The following CAPN15 variants were observed in gnomAD, a reference collection of about 807,000 sequenced individuals.
CAPN15 encodes calpain-15.
Under a neutral mutation model 97.9 loss-of-function variants are expected in CAPN15, and 53 were observed. The ratio of observed to expected loss-of-function variants is 0.54; its 90% CI spans 0.43 to 0.68. The LOEUF (loss-of-function observed/expected upper bound fraction) is 0.68. Among genes scored for constraint, CAPN15 ranks in the 30% least tolerant of loss-of-function variants. The pLI is 0.00. For synonymous variants in CAPN15, 922 were observed against 722.5 expected, an observed-to-expected ratio of 1.28 and a Z score of -4.43; for missense variants, 1,592 against 1,589.8, an observed-to-expected ratio of 1.00 and a Z score of -0.02.
chr16:529,951 T>C (rs548368386), intron 1 of CAPN15, among the ~76,000 whole-genome samples: 8 of 152,220 alleles, frequency 5.3e-5, no homozygotes, highest in African/African-American at 1.7e-4. Context: ...CTCTCCTGTT[T>C]TCCTGCTCTG....
chr16:549,696 G>T lies in CAPN15; in HGVS notation c.1924G>T (p.Gly642Cys). 1 of 1,563,668 alleles carries T rather than the reference G, an allele frequency of 6.4e-7. No homozygotes were observed. Among genetic ancestry groups the T allele is most frequent in the East Asian group, 2.4e-5 (1 of 41,698 alleles). Reference protein sequence around the residue: ...LHGSYFALQAGRAIEGLATLT... With the variant: ...LHGSYFALQACRAIEGLATLT... ...CGGCTCCTACTTTGCGCTCCAGGCG[G>T]GCCGCGCCATCGAAGGCCTGGCCAC... The change falls in exon 7 of 14, where the codon GGC becomes TGC. Residue 642 changes from glycine (G) to cysteine (C), a missense_variant. Physicochemically the swap from Gly to Cys is radical, Grantham distance 159 (BLOSUM62 -3). Around this residue, in one of 3 missense-constraint regions of CAPN15, gnomAD observed 644 missense variants for 699.6 expected, o/e 0.92. Transcript: ENST00000219611.
chr16:545,452 C>T (rs1452927211), intron 3 of CAPN15, among the ~76,000 whole-genome samples: 1 of 152,174 alleles, frequency 6.6e-6, no homozygotes, highest in Admixed American at 6.5e-5. Flanking sequence ...CACAGAAGGG[C>T]CGTGGCCTGC....
At chr16:534,912 A>G (rs1786231008) in intron 2 of CAPN15, among the ~76,000 whole-genome samples, 1 of 151,896 alleles carries the variant, frequency 6.6e-6, no homozygotes, top group Non-Finnish European at 1.5e-5. Context: ...TGTAGGGCCC[A>G]GGAGCAGGTG....
At chr16:551,121 GCCCC>G (rs2035029984) in intron 7 of CAPN15, among the ~76,000 whole-genome samples, 177 bp from the exon 8 acceptor site, 2 of 51,152 alleles carry the variant, frequency 3.9e-5, no homozygotes, top group Non-Finnish European at 7.5e-5. Flanking sequence ...GTCGGTGAGG[GCCCC>G]TGTTGGTGAG....
Position 537,408 on chromosome 16 carries a change from G to A in CAPN15, c.-23+1266G>A, listed in dbSNP as rs538196740. On this transcript the variant is annotated intron_variant, in intron 3 of 13. Transcript: ENST00000219611. ...CCTGGTAGGAGCCTGTGTTTCTAGC[G>A]GCACGCGTGACCCCAGGTGCCACGT... The A allele has an allele frequency of 4.2e-5, 41 of 985,694 alleles. No individual in the cohort carries two copies. In the East Asian group the frequency reaches 7.9e-4, roughly 19 times the overall value. 61.1% of individuals were successfully genotyped at this position (985,694 alleles called of 1,614,324 possible). A position where few individuals can be genotyped will look rare whatever the true frequency, so the allele number is the denominator to read the frequency against.
rs2035308706 is a variant in CAPN15 at position 554,439 on chromosome 16, C to T, written c.*923C>T. ...GCAGGGGCTTCCGGGGCCTTTTCACCTGGAGAAACATTCCCACTCCCCTTT... is the reference window on the plus strand; with the variant it reads ...GCAGGGGCTTCCGGGGCCTTTTCACTTGGAGAAACATTCCCACTCCCCTTT... On this transcript the variant is annotated 3_prime_UTR_variant, in exon 14 of 14. Coordinates refer to ENST00000219611, the MANE Select transcript of CAPN15 (RefSeq NM_005632.3). The T allele has an allele frequency of 8.9e-6, 4 of 447,534 alleles. No homozygotes were observed. Among genetic ancestry groups the T allele is most frequent in the Admixed American group, 7.1e-5 (3 of 42,078 alleles). The allele number at this position is 447,534 out of a possible 1,614,324, so 27.7% of individuals were successfully genotyped here. A position where few individuals can be genotyped will look rare whatever the true frequency, so the allele number is the denominator to read the frequency against.
chr16:548,131 C>G lies in CAPN15; in HGVS notation c.1293C>G (p.His431Gln), dbSNP rs2034730369. Residue 431 changes from histidine (H) to glutamine (Q), a missense_variant, in exon 4 of 14, where the codon CAC becomes CAG. By Grantham distance (24) the His-to-Gln change is conservative. Transcript: ENST00000219611. ...CTLLNALRAKHCAACHTPQLL... is the reference protein window; with the variant it reads ...CTLLNALRAKQCAACHTPQLL... Reference sequence around the variant, plus strand: ...TGCTCAACGCACTGCGGGCCAAGCACTGCGCCGCCTGCCACACGCCTCAGC... The same window carrying G: ...TGCTCAACGCACTGCGGGCCAAGCAGTGCGCCGCCTGCCACACGCCTCAGC... The G allele has an allele frequency of 6.5e-7, 1 of 1,528,774 alleles. No homozygotes were observed. The highest frequency in any genetic ancestry group is 1.4e-5 in the African/African-American group (1 of 71,512). 94.7% of individuals were successfully genotyped at this position (1,528,774 alleles called of 1,614,324 possible).
Position 548,295 on chromosome 16 carries a change from GC to G in CAPN15, c.1449+13del. The G allele has an allele frequency of 1.4e-6, 2 of 1,462,982 alleles. No homozygotes were observed. The highest frequency in any genetic ancestry group is 9.0e-7 in the Non-Finnish European group (1 of 1,107,498). 90.6% of individuals were successfully genotyped at this position (1,462,982 alleles called of 1,614,324 possible). A position where few individuals can be genotyped will look rare whatever the true frequency, so the allele number is the denominator to read the frequency against. The stretch of plus-strand genomic sequence containing the variant: ...GTGGCCTTCTGCCGGGAGGTGAGGC[GC>G]CCCCTCGCCCTCTTCCTGCTCCTGA... On this transcript the variant is annotated intron_variant, in intron 4 of 13. Transcript: ENST00000219611.
intron 1 of CAPN15, among the ~76,000 whole-genome samples, chr16:530,948 C>A (rs1027700756): frequency 6.6e-6 from 1 of 152,270 alleles, no homozygotes; most frequent in African/African-American, 2.4e-5. Flanking sequence ...GCCTCGCCAT[C>A]CTGGCCTCCA....
rs576771936 is a variant in CAPN15 at position 532,449 on chromosome 16, G to A, written c.-189-1497G>A. Among the ~76,000 whole-genome samples, 17 of 151,426 alleles carry A rather than the reference G, an allele frequency of 1.1e-4. No homozygotes were observed. The South Asian group carries it at 3.3e-3, about 30-fold the overall frequency. On this transcript the variant is annotated intron_variant, in intron 1 of 13. Coordinates refer to ENST00000219611, the MANE Select transcript of CAPN15 (RefSeq NM_005632.3). ...GTGTGCCTGTAATCCCAGATGTTTG[G>A]GAGGCTGAGACACTAGAATTGCTTG...
chr16:549,239 CGGG>C, intron 5 of CAPN15, 38 bp downstream of exon 5: 9 of 1,186,710 alleles, frequency 7.6e-6, no homozygotes, highest in Admixed American at 5.2e-5. Flanking sequence ...GGCGGGTGGG[CGGG>C]CGACCGGCCG....
chr16:537,432 G>A (rs779926863), intron 3 of CAPN15: 12 of 985,602 alleles, frequency 1.2e-5, no homozygotes, highest in East Asian at 1.1e-4. Flanking sequence ...CAGGTGCCAC[G>A]TGGGTGAGTG....
Position 547,312 on chromosome 16 carries a change from C to T in CAPN15, c.474C>T (p.Pro158=), listed in dbSNP as rs117824785. Residue 158 remains proline, a synonymous_variant, in exon 4 of 14, where the codon CCC becomes CCT. Coordinates refer to ENST00000219611, the MANE Select transcript of CAPN15 (RefSeq NM_005632.3). ...ACPRCTLHNT[P]VASSCSVCGG... ...CGCGTTGCACGCTGCACAACACGCC[C>T]GTGGCCAGCTCCTGCTCCGTCTGCG... The T allele has an allele frequency of 1.6e-4, 240 of 1,526,976 alleles. No individual in the cohort carries two copies. The highest frequency in any genetic ancestry group is 1.8e-4 in the Non-Finnish European group (211 of 1,142,096). The allele number at this position is 1,526,976 out of a possible 1,614,324, so 94.6% of individuals were successfully genotyped here.
Position 547,454 on chromosome 16 carries a change from G to T in CAPN15, c.616G>T (p.Gly206Trp). 6.3e-7 allele frequency: 1 copy of T among 1,591,446 alleles called. No individual in the cohort carries two copies. The highest frequency in any genetic ancestry group is 8.5e-7 in the Non-Finnish European group (1 of 1,176,118). Residue 206 changes from glycine (G) to tryptophan (W), a missense_variant, in exon 4 of 14, where the codon GGG (glycine) becomes TGG (tryptophan). Coordinates refer to ENST00000219611, the MANE Select transcript of CAPN15 (RefSeq NM_005632.3). ...VPAAPPPGLP[G>W]EGAEANPPAT... Reference sequence around the variant, plus strand: ...TGCCGCGCCTCCACCTGGCCTCCCCGGGGAAGGTGCCGAGGCCAACCCCCC... The same window carrying T: ...TGCCGCGCCTCCACCTGGCCTCCCCTGGGAAGGTGCCGAGGCCAACCCCCC...
intron 7 of CAPN15, 86 bp downstream of exon 7, chr16:549,924 A>G (rs2034870984): frequency 6.9e-6 from 8 of 1,158,538 alleles, no homozygotes; most frequent in Non-Finnish European, 9.9e-6. Flanking sequence ...GTGGCCCCTG[A>G]CCCAGTTCTG....
chr16:537,601 A>AGCCCTGCCCC (rs1333268921), intron 3 of CAPN15: 1 of 247,486 alleles, frequency 4.0e-6, no homozygotes, highest in Non-Finnish European at 6.4e-6. Context: ...CTCCCACCCA[A>AGCCCTGCCCC]GCCCTGCCCC....
Position 547,099 on chromosome 16 carries a change from C to T in CAPN15, c.261C>T (p.Leu87=). 1 of 1,581,122 alleles carries T rather than the reference C, an allele frequency of 6.3e-7. No homozygotes were observed. The highest frequency in any genetic ancestry group is 8.6e-7 in the Non-Finnish European group (1 of 1,164,988). ...AAFLPVLNGV[L]PKPPAILGEP... is the part of the protein sequence containing the mutation. The stretch of plus-strand genomic sequence containing the variant: ...TCCTGCCAGTCCTCAACGGGGTCCT[C>T]CCCAAGCCACCCGCCATCCTGGGGG... Residue 87 remains leucine (L), a synonymous_variant, in exon 4 of 14, where the codon CTC becomes CTT. Transcript: ENST00000219611.
chr16:548,290 G>T lies in CAPN15; in HGVS notation c.1449+3G>T. On this transcript the variant is annotated splice_donor_region_variant and intron_variant, in intron 4 of 13. Coordinates refer to ENST00000219611, the MANE Select transcript of CAPN15 (RefSeq NM_005632.3). ...ACATCGTGGCCTTCTGCCGGGAGGT[G>T]AGGCGCCCCCTCGCCCTCTTCCTGC... The T allele has an allele frequency of 6.7e-7, 1 of 1,491,256 alleles. No homozygotes were observed. Among genetic ancestry groups the T allele is most frequent in the Non-Finnish European group, 8.9e-7 (1 of 1,121,284 alleles). The allele number at this position is 1,491,256 out of a possible 1,614,324, so 92.4% of individuals were successfully genotyped here. A position where few individuals can be genotyped will look rare whatever the true frequency, so the allele number is the denominator to read the frequency against.
chr16:542,891 T>C (rs1213435219), intron 3 of CAPN15, among the ~76,000 whole-genome samples: 1 of 152,092 alleles, frequency 6.6e-6, no homozygotes, highest in Admixed American at 6.6e-5. Context: ...CCATCTCTAC[T>C]AAAACAAAAA....
Sources: gnomAD v4.1 joint callset for allele counts (sites outside exome capture counted in the v4.1 genomes callset) on GRCh38, gnomAD v4.1.1 for gene constraint, gnomAD v4.1.1 regional missense constraint, MANE v1.5 for transcripts, NCBI Gene and HGNC (gene_info 2026-07-23, HGNC 2026-07-21) for gene names.